SLC27A1: variants seen among roughly 807,000 people sequenced by gnomAD.
SLC27A1 encodes the protein long-chain fatty acid transport protein 1.
A neutral mutation model predicts 62.2 loss-of-function variants in SLC27A1; 61 were observed. That is an observed-to-expected ratio of 0.98 (90% CI 0.80 to 1.21). The LOEUF (loss-of-function observed/expected upper bound fraction) is 1.21, where lower values mean the gene tolerates loss of function less well. Ranked by LOEUF, SLC27A1 falls within the 50% of genes most tolerant of loss-of-function variation. The probability of loss-of-function intolerance (pLI) is 0.00; values close to 1 mark genes in which losing one functional copy is unlikely to be tolerated. For missense variants in SLC27A1, 903 were observed against 932.1 expected (o/e 0.97, Z 0.41); for synonymous variants, 435 against 408.6 (o/e 1.06, Z -0.78).
chr19:17,476,953 A>G (rs1184755836), intron 1 of SLC27A1, among the ~76,000 whole-genome samples: 2 of 148,474 alleles, frequency 1.3e-5, no homozygotes, highest in African/African-American at 2.5e-5. Context: ...CAGTGGTGCA[A>G]TCTTGGCTCA....
In SLC27A1 at chr19:17,487,519, G is replaced by A. The variant is rs747785292; in HGVS notation, c.784G>A (p.Val262Met). 5.6e-6 allele frequency: 9 copies of A among 1,611,130 alleles called. No individual in the cohort carries two copies. The highest frequency in any genetic ancestry group is 3.3e-5 in the Admixed American group (2 of 59,918). ...CGGGCTGCCCAAGGCTGCCATTGTC[G>A]TGCACAGCAGGTGAGGGGCCCACAG... is the stretch of plus-strand genomic sequence containing the variant. Reference protein sequence around the residue: ...TTGLPKAAIVVHSRYYRMAAF... With the variant: ...TTGLPKAAIVMHSRYYRMAAF... The change falls in exon 4 of 12, where the codon GTG becomes ATG. Residue 262 changes from valine (V) to methionine (M), a missense_variant. Coordinates refer to ENST00000252595, the MANE Select transcript of SLC27A1 (RefSeq NM_198580.3).
intron 1 of SLC27A1, among the ~76,000 whole-genome samples, chr19:17,474,922 G>A (rs2075108501): frequency 2.8e-5 from 3 of 106,692 alleles, no homozygotes; most frequent in African/African-American, 4.1e-5. Context: ...GAGCCACTGC[G>A]CCCTGTTTTT....
chr19:17,502,946 A>G (rs1423024167), intron 11 of SLC27A1, among the ~76,000 whole-genome samples: 2 of 152,340 alleles, frequency 1.3e-5, no homozygotes, highest in East Asian at 3.9e-4. Flanking sequence ...TATAAAGGAA[A>G]GAGGTTTAAT....
At chr19:17,497,692 A>T in intron 7 of SLC27A1, 1 of 591,020 alleles carries the variant, frequency 1.7e-6, no homozygotes, top group Non-Finnish European at 3.0e-6. Context: ...TCCTTGGGTC[A>T]GGAGAGTTGG....
chr19:17,474,374 G>T (rs1023691433), intron 1 of SLC27A1, among the ~76,000 whole-genome samples: 3 of 152,186 alleles, frequency 2.0e-5, no homozygotes, highest in Non-Finnish European at 4.4e-5. Flanking sequence ...CAGCGGTAGC[G>T]CAGGACATGT....
chr19:17,497,837 T>C (rs2075367331), intron 7 of SLC27A1: 1 of 262,032 alleles, frequency 3.8e-6, no homozygotes, highest in African/African-American at 2.4e-5. Flanking sequence ...TGAGACAGAG[T>C]CTCGCTCTGT....
Position 17,470,532 on chromosome 19 carries a change from T to C in SLC27A1, c.-9T>C. On this transcript the variant is annotated 5_prime_UTR_variant, in exon 1 of 12. Transcript: ENST00000252595. ...GGCCCGCGGCCTCAGCTCTCTCTGCTTCCCCAGGATGCGGGCTCCGGGTGC... is the reference window on the plus strand; with the variant it reads ...GGCCCGCGGCCTCAGCTCTCTCTGCCTCCCCAGGATGCGGGCTCCGGGTGC... 6.5e-7 allele frequency: 1 copy of C among 1,543,196 alleles called. No individual in the cohort carries two copies.
At chr19:17,504,257 A>AG (rs1197619056) in intron 11 of SLC27A1, among the ~76,000 whole-genome samples, 198 bp from the exon 12 acceptor site, 1 of 152,138 alleles carries the variant, frequency 6.6e-6, no homozygotes, top group African/African-American at 2.4e-5. Flanking sequence ...AGGAGTGGTT[A>AG]GGGAGGCCTC....
chr19:17,482,241 G>A lies in SLC27A1; in HGVS notation c.168-4322G>A, dbSNP rs185512610. On this transcript the variant is annotated intron_variant, in intron 1 of 11. Coordinates refer to ENST00000252595, the MANE Select transcript of SLC27A1 (RefSeq NM_198580.3). ...CGTTTAAAGACTAGAAGTGCCCGCC[G>A]GGCGCAGTGGCTAACGCCTGTAATC... 1.8e-3 allele frequency among the ~76,000 whole-genome samples: 279 copies of A among 152,266 alleles called. 1 individual carries two copies. Among genetic ancestry groups the A allele is most frequent in the South Asian group, 7.0e-3 (34 of 4,826 alleles).
Position 17,504,851 on chromosome 19 carries a change from T to C in SLC27A1, c.*239T>C. 2.9e-6 allele frequency: 2 copies of C among 688,722 alleles called. No individual in the cohort carries two copies. Among genetic ancestry groups the C allele is most frequent in the Non-Finnish European group, 5.3e-6 (2 of 376,930 alleles). The allele number at this position is 688,722 out of a possible 1,614,324, so 42.7% of individuals were successfully genotyped here. On this transcript the variant is annotated 3_prime_UTR_variant, in exon 12 of 12. Coordinates refer to ENST00000252595, the MANE Select transcript of SLC27A1 (RefSeq NM_198580.3). ...CAGCCTCTGTCTCCTTCCATCCCTG[T>C]CCCTGTCTGGCCTTAACTCTTCCCT...
chr19:17,473,929 C>A (rs1364998676), intron 1 of SLC27A1, among the ~76,000 whole-genome samples: 1 of 152,070 alleles, frequency 6.6e-6, no homozygotes, highest in Admixed American at 6.6e-5. Flanking sequence ...TGTTTTCTTT[C>A]TTTGCTTTGG....
At position 17,505,535 on chromosome 19, in the gene SLC27A1, C is replaced by A. The variant is rs1015063232; in HGVS notation, c.*923C>A. 1.3e-5 allele frequency: 2 copies of A among 153,028 alleles called. No homozygotes were observed. The highest frequency in any genetic ancestry group is 2.9e-5 in the Non-Finnish European group (2 of 68,530). 9.5% of individuals were successfully genotyped at this position (153,028 alleles called of 1,614,324 possible). On this transcript the variant is annotated 3_prime_UTR_variant, in exon 12 of 12. Transcript: ENST00000252595. ...CACTTCCCCGTTCCTGTCACATTTC[C>A]CCAGCCCCACCTTCCCCTCCTGATG...
chr19:17,496,577 T>G, intron 6 of SLC27A1: 1 of 153,916 alleles, frequency 6.5e-6, no homozygotes, highest in Non-Finnish European at 1.4e-5. Flanking sequence ...TGGGTGACAG[T>G]GTAGGCTCCA....
chr19:17,491,842 C>A (rs914376636), intron 6 of SLC27A1, among the ~76,000 whole-genome samples: 1 of 151,800 alleles, frequency 6.6e-6, no homozygotes. Flanking sequence ...CCAGTGTACT[C>A]TAGCCTGGGC....
rs1437770265 is a variant in SLC27A1 at position 17,488,923 on chromosome 19, C to T, written c.870C>T (p.Pro290=). 1.9e-6 allele frequency: 3 copies of T among 1,614,132 alleles called. No individual in the cohort carries two copies. The highest frequency in any genetic ancestry group is 2.5e-6 in the Non-Finnish European group (3 of 1,180,018). Reference sequence around the variant, plus strand: ...CTGACGTGCTCTATGACTGCCTGCCCCTGTACCACTCGGCAGGTACTACGG... The same window carrying T: ...CTGACGTGCTCTATGACTGCCTGCCTCTGTACCACTCGGCAGGTACTACGG... ...QAADVLYDCL[P]LYHSAGNIIG... The change falls in exon 5 of 12, where the codon CCC becomes CCT. Residue 290 remains proline (P), a synonymous_variant. Coordinates refer to ENST00000252595, the MANE Select transcript of SLC27A1 (RefSeq NM_198580.3).
intron 1 of SLC27A1, among the ~76,000 whole-genome samples, chr19:17,480,116 C>T (rs1287920225): frequency 6.6e-6 from 1 of 152,172 alleles, no homozygotes; most frequent in East Asian, 1.9e-4. Flanking sequence ...CAACCTCCAC[C>T]TCCCAGGTTC....
At chr19:17,472,846 G>T (rs921051299) in intron 1 of SLC27A1, among the ~76,000 whole-genome samples, 1 of 151,916 alleles carries the variant, frequency 6.6e-6, no homozygotes, top group Non-Finnish European at 1.5e-5. Flanking sequence ...TTGAGACAGG[G>T]TGTCTTCTCT....
intron 1 of SLC27A1, among the ~76,000 whole-genome samples, chr19:17,483,650 T>G (rs2075201560): frequency 6.6e-6 from 1 of 152,026 alleles, no homozygotes; most frequent in South Asian, 2.1e-4. Context: ...CACCCTCCTA[T>G]CTCCATGGCT....
intron 10 of SLC27A1, 102 bp downstream of exon 10, chr19:17,500,978 G>A: frequency 7.6e-7 from 1 of 1,316,654 alleles, no homozygotes; most frequent in Non-Finnish European, 1.0e-6. Flanking sequence ...GCACAACCTG[G>A]ACAACTGCTC....
Sources: gnomAD v4.1 joint callset for allele counts (sites outside exome capture counted in the v4.1 genomes callset) on GRCh38, gnomAD v4.1.1 for gene constraint, MANE v1.5 for transcripts, NCBI Gene and HGNC (gene_info 2026-07-23, HGNC 2026-07-21) for gene names.